ATP9B: variants seen among roughly 807,000 people sequenced by gnomAD.
The protein encoded by ATP9B is probable phospholipid-transporting ATPase IIB.
In ATP9B, 110 loss-of-function variants were observed where a neutral mutation model predicts 146.1. That is an observed-to-expected ratio of 0.75 (90% CI 0.65 to 0.88). The LOEUF is 0.88. Among genes scored for constraint, ATP9B ranks in the 40% least tolerant of loss-of-function variants. The pLI is 0.00. For missense variants in ATP9B, 1,499 were observed against 1,496.4 expected, an observed-to-expected ratio of 1.00 and a Z score of -0.03; for synonymous variants, 604 against 569.7, an observed-to-expected ratio of 1.06 and a Z score of -0.86.
intron 26 of ATP9B, chr18:79,372,559 A>G (rs888819619): frequency 4.9e-6 from 3 of 614,810 alleles, no homozygotes; most frequent in African/African-American, 3.6e-5. Context: ...GGCTTAGTAG[A>G]GCCAACAAGA....
intron 9 of ATP9B, among the ~76,000 whole-genome samples, chr18:79,195,473 A>T (rs1457334563): frequency 2.6e-5 from 4 of 152,232 alleles, no homozygotes; most frequent in African/African-American, 9.6e-5. Flanking sequence ...ATTAATAAAA[A>T]ATTTCTAAAA....
At chr18:79,210,126 G>A (rs2095570676) in intron 10 of ATP9B, among the ~76,000 whole-genome samples, 1 of 152,188 alleles carries the variant, frequency 6.6e-6, no homozygotes. Flanking sequence ...AGGACACAGA[G>A]AGCCTGCTGT....
intron 25 of ATP9B, chr18:79,353,936 G>C (rs2096935995): frequency 2.0e-5 from 3 of 152,220 alleles, no homozygotes; most frequent in Non-Finnish European, 4.4e-5. Flanking sequence ...AGAAATTAAA[G>C]ATTGAATTTC....
At chr18:79,372,717 G>A in intron 26 of ATP9B, 108 bp from the exon 27 acceptor site, 4 of 793,980 alleles carry the variant, frequency 5.0e-6, no homozygotes, top group Non-Finnish European at 9.1e-6. Flanking sequence ...GCATGGATGG[G>A]GCTTATGGAC....
chr18:79,327,656 G>C (rs1367341756), intron 15 of ATP9B, among the ~76,000 whole-genome samples: 6 of 138,314 alleles, frequency 4.3e-5, no homozygotes, highest in Admixed American at 1.5e-4. Context: ...CATGCTCTCC[G>C]TGTTTAGCGT....
intron 20 of ATP9B, 118 bp downstream of exon 20, chr18:79,342,484 A>C: frequency 1.5e-6 from 1 of 671,078 alleles, no homozygotes; most frequent in Non-Finnish European, 2.3e-6. Context: ...AAAAAGAACT[A>C]CTGTAATTTT....
intron 11 of ATP9B, among the ~76,000 whole-genome samples, chr18:79,230,768 A>T (rs1475367094): frequency 2.0e-5 from 3 of 152,200 alleles, no homozygotes; most frequent in African/African-American, 7.2e-5. Context: ...TAGCCAAAGC[A>T]AGACTAAGCA....
chr18:79,071,642 A>T (rs2071839625), intron 1 of ATP9B, among the ~76,000 whole-genome samples: 1 of 151,798 alleles, frequency 6.6e-6, no homozygotes, highest in African/African-American at 2.4e-5. Flanking sequence ...GAGTGTTAGG[A>T]TTAAGGCGTG....
intron 5 of ATP9B, among the ~76,000 whole-genome samples, chr18:79,130,093 G>T (rs900059534): frequency 6.6e-6 from 1 of 152,190 alleles, no homozygotes; most frequent in African/African-American, 2.4e-5. Flanking sequence ...AAAACAAAAT[G>T]TGGCCCACTC....
At chr18:79,156,516 A>G (rs1441092306) in intron 7 of ATP9B, among the ~76,000 whole-genome samples, 1 of 152,238 alleles carries the variant, frequency 6.6e-6, no homozygotes, top group East Asian at 1.9e-4. Context: ...TGTATGGAAC[A>G]GAGCCCCTCC....
chr18:79,168,735 G>C (rs2095023964), intron 7 of ATP9B, among the ~76,000 whole-genome samples: 2 of 152,052 alleles, frequency 1.3e-5, no homozygotes, highest in Non-Finnish European at 2.9e-5. Context: ...TTTGAAGAAG[G>C]GGTAGCTGTG....
intron 2 of ATP9B, 99 bp downstream of exon 2, chr18:79,096,748 G>A: frequency 1.1e-6 from 1 of 949,410 alleles, no homozygotes; most frequent in Non-Finnish European, 1.5e-6. Context: ...AAAAACTCAA[G>A]GAGATATTCC....
chr18:79,239,567 C>T lies in ATP9B; in HGVS notation c.1108-13814C>T, dbSNP rs2095870802. ...TTCCTTCAACCTGGAGTCATTGTGC[C>T]GCCATTGTCTAGCATTGTGCCATGC... On this transcript the variant is annotated intron_variant, in intron 11 of 29. Coordinates refer to ENST00000426216, the MANE Select transcript of ATP9B (RefSeq NM_198531.5). This position sits in a 1 kb window ranked among gnomAD's most constrained non-coding sequence, Gnocchi z 5.1. Among the ~76,000 whole-genome samples, 1 of 151,988 alleles carries T rather than the reference C, an allele frequency of 6.6e-6. No homozygotes were observed. The highest frequency in any genetic ancestry group is 2.1e-4 in the South Asian group (1 of 4,810).
intron 25 of ATP9B, among the ~76,000 whole-genome samples, chr18:79,355,182 G>A (rs1376525846): frequency 6.6e-6 from 1 of 152,230 alleles, no homozygotes; most frequent in Non-Finnish European, 1.5e-5. Context: ...AGCAGGGTCA[G>A]CACCCTTCAG....
intron 9 of ATP9B, among the ~76,000 whole-genome samples, chr18:79,203,162 G>C (rs1416994764): frequency 1.3e-5 from 2 of 151,946 alleles, no homozygotes; most frequent in African/African-American, 4.8e-5. Flanking sequence ...AAGGCTTAGA[G>C]TAACAGCAGG....
chr18:79,217,806 T>C (rs1176701770), intron 11 of ATP9B, among the ~76,000 whole-genome samples: 1 of 152,224 alleles, frequency 6.6e-6, no homozygotes, highest in Non-Finnish European at 1.5e-5. Flanking sequence ...AACAAACTTT[T>C]GGGCTTCAAA....
chr18:79,301,208 T>C (rs1346739912), intron 13 of ATP9B, among the ~76,000 whole-genome samples: 1 of 152,200 alleles, frequency 6.6e-6, no homozygotes, highest in Non-Finnish European at 1.5e-5. Flanking sequence ...AAAGCACTCA[T>C]AGGCCAGGGG....
intron 5 of ATP9B, among the ~76,000 whole-genome samples, chr18:79,132,016 A>G (rs973470403): frequency 2.6e-5 from 4 of 152,216 alleles, no homozygotes; most frequent in Non-Finnish European, 4.4e-5. Context: ...TGGTGATGAA[A>G]GTGTTTTGGG....
chr18:79,348,000 G>A (rs1235102501), intron 24 of ATP9B, 75 bp downstream of exon 24: 35 of 1,603,868 alleles, frequency 2.2e-5, no homozygotes, highest in Middle Eastern at 1.7e-4. Context: ...GGCAGGGTCC[G>A]GGAGTGGGGG....
Sources: gnomAD v4.1 joint callset for allele counts (sites outside exome capture counted in the v4.1 genomes callset) on GRCh38, gnomAD v4.1.1 for gene constraint, Gnocchi (gnomAD v3.1) non-coding constraint, MANE v1.5 for transcripts, NCBI Gene and HGNC (gene_info 2026-07-23, HGNC 2026-07-21) for gene names.